The following PSG9 variants were observed in gnomAD, a reference collection of about 807,000 sequenced individuals.
PSG9 encodes pregnancy-specific beta-1-glycoprotein 9.
PSG9 carries 49 observed loss-of-function variants against 41.9 expected under a neutral mutation model. The ratio of observed to expected loss-of-function variants is 1.17; its 90% CI spans 0.93 to 1.48. The LOEUF (loss-of-function observed/expected upper bound fraction) is 1.48, where lower values mean the gene tolerates loss of function less well. Among genes scored for constraint, PSG9 ranks in the 40% most tolerant of loss-of-function variants. PSG9 has a pLI of 0.00. For missense variants in PSG9, 641 were observed against 520.3 expected (o/e 1.23, Z -2.26); for synonymous variants, 263 against 196.8 (o/e 1.34, Z -2.82).
intron 5 of PSG9, chr19:43,257,444 C>T (rs546210698): frequency 2.4e-5 from 23 of 977,490 alleles, no homozygotes; most frequent in Non-Finnish European, 2.8e-5. Context: ...CCTATTCCTC[C>T]AGCTCTGCAT....
intron 5 of PSG9, among the ~76,000 whole-genome samples, chr19:43,254,485 C>T (rs1401714092): frequency 6.8e-6 from 1 of 146,160 alleles, no homozygotes; most frequent in Non-Finnish European, 1.5e-5. Flanking sequence ...ATCAGAGGTT[C>T]AGAGAAGTTG....
Position 43,256,931 on chromosome 19 carries a change from G to C in PSG9, c.1243+1271C>G, listed in dbSNP as rs375772686. Among the ~76,000 whole-genome samples, 47 of 146,794 alleles carry C rather than the reference G, an allele frequency of 3.2e-4. 5 individuals are homozygous for C. The highest frequency in any genetic ancestry group is 6.8e-4 in the Admixed American group (10 of 14,764). On this transcript the variant is annotated intron_variant, in intron 5 of 5. Transcript: ENST00000270077. ...TCAGAGAAGCATTACTCACACTAGC[G>C]AAAAAATGGAAACAACTGAAAAGTC... is the stretch of plus-strand genomic sequence containing the variant.
chr19:43,257,470 G>A (rs1208055762), intron 5 of PSG9: 9 of 976,712 alleles, frequency 9.2e-6, no homozygotes, highest in South Asian at 9.6e-5. Flanking sequence ...ACTGTCCTCC[G>A]TGCTGTGTCC....
intron 5 of PSG9, among the ~76,000 whole-genome samples, chr19:43,256,269 A>T (rs1459502243): frequency 6.8e-6 from 1 of 147,052 alleles, no homozygotes; most frequent in Non-Finnish European, 1.5e-5. Flanking sequence ...GAAAAGCTTC[A>T]TGATACTGGA....
intron 2 of PSG9, among the ~76,000 whole-genome samples, chr19:43,265,460 G>A (rs1448402241): frequency 6.6e-6 from 1 of 152,088 alleles, no homozygotes; most frequent in Non-Finnish European, 1.5e-5. Context: ...AGTCAGTCAT[G>A]TGGCCCCTAC....
intron 2 of PSG9, among the ~76,000 whole-genome samples, chr19:43,264,284 A>G (rs1422267332): frequency 6.6e-6 from 1 of 152,150 alleles, no homozygotes; most frequent in East Asian, 1.9e-4. Context: ...TATTGTCAAA[A>G]CAAAATATTA....
chr19:43,261,724 A>G (rs532739864), intron 3 of PSG9, 136 bp downstream of exon 3: 3 of 1,602,792 alleles, frequency 1.9e-6, no homozygotes, highest in East Asian at 2.2e-5. Context: ...TGCTTGGGGC[A>G]GAAAGTCATG....
chr19:43,261,900 C>T lies in PSG9; in HGVS notation c.669G>A (p.Val223=), dbSNP rs1226410127. ...GPYECEIRNP[V]SASRSDPVTL... is the part of the protein sequence containing the mutation. ...TGACTGGGTCACTGCGACTGGCACTCACTGGGTTCCGTATTTCACATTCAT... is the reference window on the plus strand; with the variant it reads ...TGACTGGGTCACTGCGACTGGCACTTACTGGGTTCCGTATTTCACATTCAT... Residue 223 remains valine, a synonymous_variant, in exon 3 of 6, where the codon GTG becomes GTA. Coordinates refer to ENST00000270077, the MANE Select transcript of PSG9 (RefSeq NM_002784.5). The T allele has an allele frequency of 1.2e-6, 2 of 1,614,074 alleles. No homozygotes were observed. The highest frequency in any genetic ancestry group is 2.2e-5 in the South Asian group (2 of 91,072).
chr19:43,266,168 C>T (rs1392946154), intron 2 of PSG9, among the ~76,000 whole-genome samples: 1 of 151,824 alleles, frequency 6.6e-6, no homozygotes, highest in African/African-American at 2.4e-5. Context: ...ACCCCAGGGC[C>T]CAGGTGCCCC....
intron 2 of PSG9, 35 bp downstream of exon 2, chr19:43,267,749 C>T: frequency 6.2e-7 from 1 of 1,612,206 alleles, no homozygotes; most frequent in Non-Finnish European, 8.5e-7. Flanking sequence ...TGACCCCTTC[C>T]CCCCAACACC....
At position 43,256,897 on chromosome 19, in the gene PSG9, C is replaced by A. The variant is rs1450777797; in HGVS notation, c.1243+1305G>T. ...AAAGAAATTTGAACAAATATTTGTA[C>A]ACTGATGTTCAGAGAAGCATTACTC... On this transcript the variant is annotated intron_variant, in intron 5 of 5. Transcript: ENST00000270077. 1.4e-5 allele frequency among the ~76,000 whole-genome samples: 2 copies of A among 146,724 alleles called. 1 individual carries two copies. The highest frequency in any genetic ancestry group is 4.6e-4 in the East Asian group (2 of 4,302).
intron 3 of PSG9, chr19:43,260,814 T>G (rs1170648125): frequency 6.6e-6 from 1 of 152,154 alleles, no homozygotes; most frequent in Non-Finnish European, 1.5e-5. Flanking sequence ...CTAACAATAT[T>G]GATTCTTCCA....
At chr19:43,264,673 T>G (rs1041139071) in intron 2 of PSG9, among the ~76,000 whole-genome samples, 1 of 152,138 alleles carries the variant, frequency 6.6e-6, no homozygotes, top group Non-Finnish European at 1.5e-5. Flanking sequence ...TAGCCAGGAT[T>G]GTCTCCATCT....
At chr19:43,266,775 G>A (rs1161479828) in intron 2 of PSG9, among the ~76,000 whole-genome samples, 5 of 152,110 alleles carry the variant, frequency 3.3e-5, no homozygotes, top group East Asian at 1.9e-4. Context: ...GTGGAGGAGA[G>A]GATAGGCCTG....
rs1388750119 is a variant in PSG9 at position 43,255,393 on chromosome 19, T to G, written c.1244-1747A>C. Among the ~76,000 whole-genome samples the G allele has an allele frequency of 1.4e-5, 2 of 146,458 alleles. 1 individual carries two copies. Among genetic ancestry groups the G allele is most frequent in the Non-Finnish European group, 3.0e-5 (2 of 67,432 alleles). On this transcript the variant is annotated intron_variant, in intron 5 of 5. Coordinates refer to ENST00000270077, the MANE Select transcript of PSG9 (RefSeq NM_002784.5). ...TAAAGGCAATATGTGAAAAACCCAA[T>G]GCTAGCATCATACTCAATGGAGAAA...
chr19:43,268,950 CT>C (rs1415493822), intron 1 of PSG9, among the ~76,000 whole-genome samples: 2 of 152,142 alleles, frequency 1.3e-5, no homozygotes, highest in African/African-American at 4.8e-5. Context: ...CTTTTGACCC[CT>C]GTCCCTCTCT....
chr19:43,265,167 A>G (rs1383472902), intron 2 of PSG9, among the ~76,000 whole-genome samples: 2 of 152,168 alleles, frequency 1.3e-5, no homozygotes, highest in African/African-American at 4.8e-5. Flanking sequence ...CCTCCATAAA[A>G]CTAACACCCT....
intron 5 of PSG9, 123 bp downstream of exon 5, chr19:43,258,079 T>C (rs753395089): frequency 1.0e-5 from 16 of 1,587,918 alleles, no homozygotes; most frequent in South Asian, 5.6e-5. Context: ...AGGAGGAGAA[T>C]TTGGGATTTG....
At chr19:43,261,396 A>C (rs1234754098) in intron 3 of PSG9, among the ~76,000 whole-genome samples, 4 of 152,132 alleles carry the variant, frequency 2.6e-5, no homozygotes, top group African/African-American at 9.7e-5. Flanking sequence ...GGCAGGAGAG[A>C]TTGGGGAATT....
Sources: gnomAD v4.1 joint callset for allele counts (sites outside exome capture counted in the v4.1 genomes callset) on GRCh38, gnomAD v4.1.1 for gene constraint, MANE v1.5 for transcripts, NCBI Gene and HGNC (gene_info 2026-07-23, HGNC 2026-07-21) for gene names.